C4orf36: variants seen among roughly 807,000 people sequenced by gnomAD.
The protein encoded by C4orf36 is chromosome 4 open reading frame 36, also known as uncharacterized protein C4orf36.
A neutral mutation model predicts 12.2 loss-of-function variants in C4orf36; 11 were observed. The observed-to-expected ratio is 0.90, with a 90% CI of 0.57 to 1.49. The LOEUF (loss-of-function observed/expected upper bound fraction) is 1.49. Among genes scored for constraint, C4orf36 ranks in the 40% most tolerant of loss-of-function variants. The pLI is 0.00. For missense variants in C4orf36, 137 were observed against 133.9 expected (o/e 1.02, Z -0.11); for synonymous variants, 54 against 51.3 (o/e 1.05, Z -0.22).
At chr4:86,913,710 G>A in the C4orf36 span, 1 of 1,601,604 alleles carries the variant, frequency 6.2e-7, no homozygotes, top group Non-Finnish European at 8.5e-7. Context: ...GCTCCCACTG[G>A]CAGAGAAGCT....
the C4orf36 span, among the ~76,000 whole-genome samples, chr4:86,905,636 G>A: frequency 6.6e-6 from 1 of 152,056 alleles, no homozygotes; most frequent in African/African-American, 2.4e-5. Context: ...GGTGATCTGA[G>A]GTTGGCCCCA....
At chr4:86,883,951 C>G (rs751782900) in intron 4 of C4orf36, among the ~76,000 whole-genome samples, 1 of 151,960 alleles carries the variant, frequency 6.6e-6, no homozygotes, top group Non-Finnish European at 1.5e-5. Flanking sequence ...ATTGCTTGAA[C>G]CCAGGAGGCA....
the C4orf36 span, among the ~76,000 whole-genome samples, chr4:86,905,609 G>C: frequency 6.6e-6 from 1 of 152,154 alleles, no homozygotes; most frequent in Admixed American, 6.5e-5. Flanking sequence ...TTTTGGGGTA[G>C]AGTTGGGAAG....
At chr4:86,895,542 C>T (rs67758970), upstream of C4orf36, among the ~76,000 whole-genome samples, 69,572 of 152,002 alleles carry the variant, frequency 0.46, 17,357 homozygotes, top group South Asian at 0.68. Context: ...CCATCCAGGA[C>T]GACTTAAGAT....
the C4orf36 span, among the ~76,000 whole-genome samples, chr4:86,910,329 T>C: frequency 6.6e-6 from 1 of 152,056 alleles, no homozygotes; most frequent in Non-Finnish European, 1.5e-5. Flanking sequence ...GGAGAATCAC[T>C]TGAACCCGGG....
the C4orf36 span, among the ~76,000 whole-genome samples, chr4:86,933,794 C>CT: frequency 2.6e-5 from 4 of 152,202 alleles, no homozygotes; most frequent in Admixed American, 6.5e-5. Flanking sequence ...ATGACCAGAA[C>CT]TTTCATCTTA....
At chr4:86,923,123 A>C in the C4orf36 span, among the ~76,000 whole-genome samples, 1 of 140,520 alleles carries the variant, frequency 7.1e-6, no homozygotes, top group African/African-American at 2.7e-5. Flanking sequence ...AAACGGTCTC[A>C]CTCTGTTACC....
At chr4:86,890,100 G>A (rs1019114632) in intron 2 of C4orf36, 1 of 453,582 alleles carries the variant, frequency 2.2e-6, no homozygotes, top group East Asian at 7.0e-5. Flanking sequence ...GCTGAGATGG[G>A]AGGATCACTC....
chr4:86,898,252 T>G, the C4orf36 span, among the ~76,000 whole-genome samples: 1 of 151,794 alleles, frequency 6.6e-6, no homozygotes, highest in Non-Finnish European at 1.5e-5. Flanking sequence ...ATTAGCCAGG[T>G]GTGATGGCAC....
chr4:86,892,482 G>T (rs1360030585), upstream of C4orf36: 3 of 981,478 alleles, frequency 3.1e-6, no homozygotes, highest in African/African-American at 3.5e-5. Context: ...CTCCCCACCC[G>T]CCAGGGAGGG....
the C4orf36 span, among the ~76,000 whole-genome samples, chr4:86,926,787 T>C: frequency 1.3e-5 from 2 of 152,356 alleles, no homozygotes; most frequent in East Asian, 3.9e-4. Context: ...TATGTTATTG[T>C]TGTCACATGT....
At chr4:86,882,337 T>C (rs1560470612) in intron 4 of C4orf36, among the ~76,000 whole-genome samples, 1 of 152,190 alleles carries the variant, frequency 6.6e-6, no homozygotes, top group African/African-American at 2.4e-5. Context: ...TTTTCAACAT[T>C]ATGAAAAAGA....
rs1179765021 is a variant in C4orf36, at chr4:86,876,345, G to T, written c.*101C>A. The T allele has an allele frequency of 1.9e-6, 3 of 1,548,222 alleles. No homozygotes were observed. Among genetic ancestry groups the T allele is most frequent in the Non-Finnish European group, 2.6e-6 (3 of 1,149,286 alleles). On this transcript the variant is annotated 3_prime_UTR_variant, in exon 5 of 5. Coordinates refer to ENST00000295898, the MANE Select transcript of C4orf36 (RefSeq NM_144645.4). ...GGGGCCGGGCCAGGATGGCTGCAGC[G>T]CAGCGACGGCCGGGGCCGGGAGCGG...
rs750650059 is a variant in C4orf36, at chr4:86,887,866, A to AGTT, written c.247_248insAAC (p.Val83delinsGluLeu). 9 of 1,614,076 alleles carry AGTT rather than the reference A, an allele frequency of 5.6e-6. No individual in the cohort carries two copies. In the Admixed American group the frequency reaches 8.3e-5, roughly 15 times the overall value. ...ACACTTCAGTTTACAAAGACGCTTCACTTCATACTCCCTTTCGAGTTTGAT... is the reference window on the plus strand; with the variant it reads ...ACACTTCAGTTTACAAAGACGCTTCAGTTCTTCATACTCCCTTTCGAGTTTGAT... On this transcript the variant is annotated protein_altering_variant, in exon 4 of 5. Transcript: ENST00000295898.
At chr4:86,879,599 AAAGGACTAGC>A (rs1747001334) in intron 4 of C4orf36, among the ~76,000 whole-genome samples, 1 of 152,214 alleles carries the variant, frequency 6.6e-6, no homozygotes, top group African/African-American at 2.4e-5. Flanking sequence ...GAAAAGGGAG[AAAGGACTAGC>A]AAGCCTACTT....
At chr4:86,931,907 C>T in the C4orf36 span, among the ~76,000 whole-genome samples, 4 of 151,832 alleles carry the variant, frequency 2.6e-5, no homozygotes, top group African/African-American at 4.8e-5. Context: ...TGGTGGCAGG[C>T]GCCTGTAGTC....
the C4orf36 span, among the ~76,000 whole-genome samples, chr4:86,911,235 G>A: frequency 2.0e-5 from 3 of 152,310 alleles, no homozygotes; most frequent in African/African-American, 4.8e-5. Flanking sequence ...AGCACTGTCC[G>A]GGATGGAGGA....
At chr4:86,914,123 A>G in the C4orf36 span, 9 of 1,602,728 alleles carry the variant, frequency 5.6e-6, no homozygotes, top group African/African-American at 1.2e-4. Context: ...ACTCAAAGTA[A>G]CAAACAGAAA....
the C4orf36 span, among the ~76,000 whole-genome samples, chr4:86,916,077 C>T: frequency 6.6e-6 from 1 of 152,280 alleles, no homozygotes; most frequent in Admixed American, 6.5e-5. Flanking sequence ...TCATTTGTTA[C>T]AGCAGCCCTA....
Sources: allele counts gnomAD v4.1 joint callset (sites outside exome capture counted in the v4.1 genomes callset), GRCh38; gene constraint gnomAD v4.1.1; transcripts MANE v1.5; gene names NCBI Gene and HGNC (gene_info 2026-07-23, HGNC 2026-07-21).